The following PRSS55 variants were observed in gnomAD, a reference collection of about 807,000 sequenced individuals.
The protein encoded by PRSS55 is probable serine protease UNQ9391/PRO34284.
A neutral mutation model predicts 23.6 loss-of-function variants in PRSS55; 41 were observed. The observed-to-expected ratio is 1.74, with a 90% confidence interval of 1.35 to 2.26. The LOEUF is 2.26. PRSS55 is among the 30% of genes most tolerant of loss of function. The probability of loss-of-function intolerance (pLI) is 0.00; values close to 1 mark genes in which losing one functional copy is unlikely to be tolerated. For missense variants in PRSS55, 669 were observed against 439.1 expected (o/e 1.52, Z -4.68); for synonymous variants, 262 against 175.5 (o/e 1.49, Z -3.90).
chr8:10,529,762 CT>C (rs1812182121), intron 2 of PRSS55, 63 bp downstream of exon 2: 1 of 1,506,234 alleles, frequency 6.6e-7, no homozygotes, highest in South Asian at 1.2e-5. Flanking sequence ...CACCCTCCCC[CT>C]CACCCACACC....
Position 10,538,653 on chromosome 8 carries a change from A to C in PRSS55, c.919A>C (p.Asn307His). 1 of 1,614,144 alleles carries C rather than the reference A, an allele frequency of 6.2e-7. No homozygotes were observed. The highest frequency in any genetic ancestry group is 1.3e-5 in the African/African-American group (1 of 75,026). ...KVTQLEGRPF[N>H]AEKRRTSVKQ... ...GACCCAGCTAGAGGGCAGGCCCTTC[A>C]ATGCAGAGAAAAGGAGGACTTCTGT... The change falls in exon 5 of 5, where the codon AAT becomes CAT. Residue 307 changes from asparagine (N) to histidine (H), a missense_variant. Coordinates refer to ENST00000328655, the MANE Select transcript of PRSS55 (RefSeq NM_198464.4).
At chr8:10,529,765 A>C in intron 2 of PRSS55, 66 bp downstream of exon 2, 3 of 1,491,414 alleles carry the variant, frequency 2.0e-6, no homozygotes, top group South Asian at 1.2e-5. Flanking sequence ...CCTCCCCCTC[A>C]CCCACACCTG....
chr8:10,528,866 A>G (rs1057409111), intron 1 of PRSS55, among the ~76,000 whole-genome samples: 8 of 152,018 alleles, frequency 5.3e-5, no homozygotes, highest in African/African-American at 1.5e-4. Flanking sequence ...GCTTCTAGAA[A>G]CTTCTCTGGG....
rs747849887 is a variant in PRSS55, at chr8:10,525,731, C to A, written c.146C>A (p.Pro49Gln). The change falls in exon 1 of 5, where the codon CCA (proline) becomes CAA (glutamine). Residue 49 changes from proline (P) to glutamine (Q), a missense_variant. Coordinates refer to ENST00000328655, the MANE Select transcript of PRSS55 (RefSeq NM_198464.4). ...CCTCAGCCCCCTCATCCCCCCAGCC[C>A]AGTCAGTGGTGAGTACAGGGGCAGA... ...HRPQPPHPPSPVSECGDRSIF... is the reference protein window; with the variant it reads ...HRPQPPHPPSQVSECGDRSIF... 10 of 1,606,190 alleles carry A rather than the reference C, an allele frequency of 6.2e-6. No individual in the cohort carries two copies. The Admixed American group carries it at 1.7e-4, about 27-fold the overall frequency.
downstream of PRSS55, chr8:10,541,675 T>C (rs1227848315): frequency 1.3e-5 from 2 of 152,274 alleles, no homozygotes; most frequent in East Asian, 3.8e-4. Context: ...TCCTGTTTTT[T>C]CTGGAAAACC....
chr8:10,548,166 G>A (rs1340904655), intron 4 of PRSS55, among the ~76,000 whole-genome samples: 2 of 152,212 alleles, frequency 1.3e-5, no homozygotes, highest in African/African-American at 4.8e-5. Context: ...GCTGGGGCGG[G>A]CTTTGGAGAG....
chr8:10,529,360 C>T (rs540163101), intron 1 of PRSS55, 147 bp from the exon 2 acceptor site: 19 of 786,158 alleles, frequency 2.4e-5, no homozygotes, highest in South Asian at 6.1e-5. Context: ...AGGGCTGCCC[C>T]GCTCGGCAGC....
downstream of PRSS55, among the ~76,000 whole-genome samples, chr8:10,543,727 TTA>T (rs56294838): frequency 0.55 from 83,431 of 151,180 alleles, 24,495 homozygotes; most frequent in South Asian, 0.74. Context: ...TTTTTGTGTG[TTA>T]TGTTTTCACT....
chr8:10,532,756 G>C, intron 3 of PRSS55, 150 bp from the exon 4 acceptor site: 1 of 906,868 alleles, frequency 1.1e-6, no homozygotes, highest in South Asian at 1.7e-5. Flanking sequence ...GCAGGCATGG[G>C]GTAACCTGAA....
intron 1 of PRSS55, among the ~76,000 whole-genome samples, chr8:10,528,200 CA>C (rs35143057): frequency 0.074 from 6,671 of 89,606 alleles, 140 homozygotes; most frequent in Middle Eastern, 0.098. Context: ...CTTCGTCTCT[CA>C]AAAAAAAAAA....
At chr8:10,534,311 ATTTC>A (rs1812380031) in intron 4 of PRSS55, among the ~76,000 whole-genome samples, 2 of 152,200 alleles carry the variant, frequency 1.3e-5, no homozygotes, top group Non-Finnish European at 2.9e-5. Flanking sequence ...ATCCTCAGGT[ATTTC>A]TTTATAGTGA....
chr8:10,528,972 C>T lies in PRSS55; in HGVS notation c.155-535C>T, dbSNP rs1267374067. Among the ~76,000 whole-genome samples the T allele has an allele frequency of 4.6e-5, 7 of 152,202 alleles. No individual in the cohort carries two copies. In the East Asian group the frequency reaches 1.3e-3, roughly 29 times the overall value. ...TGCCTGACTTCCTGCTTCCCTCCAC[C>T]CCTCTCAAGGGCCTCAGTGATTCCA... On this transcript the variant is annotated intron_variant, in intron 1 of 4. Coordinates refer to ENST00000328655, the MANE Select transcript of PRSS55 (RefSeq NM_198464.4).
chr8:10,535,261 G>T (rs1812415468), intron 4 of PRSS55, among the ~76,000 whole-genome samples: 1 of 152,068 alleles, frequency 6.6e-6, no homozygotes, highest in Non-Finnish European at 1.5e-5. Flanking sequence ...AGTAGCCAAG[G>T]CAATCCTAAG....
At chr8:10,530,402 G>A (rs1435447490) in intron 2 of PRSS55, among the ~76,000 whole-genome samples, 3 of 152,250 alleles carry the variant, frequency 2.0e-5, no homozygotes, top group African/African-American at 4.8e-5. Flanking sequence ...TTGAACCCAG[G>A]AGGCAGATGT....
chr8:10,543,481 T>TTTTCTTTTCTTTTCTTTC (rs1563547453), downstream of PRSS55, among the ~76,000 whole-genome samples: 41 of 19,794 alleles, frequency 2.1e-3, 2 homozygotes, highest in Middle Eastern at 0.026. Context: ...TCTTTCTCTC[T>TTTTCTTTTCTTTTCTTTC]TTTTTTTTTT....
intron 2 of PRSS55, among the ~76,000 whole-genome samples, chr8:10,530,218 C>A (rs1051551642): frequency 6.6e-6 from 1 of 152,244 alleles, no homozygotes; most frequent in Non-Finnish European, 1.5e-5. Context: ...GCCTGTCATC[C>A]CAGCACTTCG....
Position 10,531,402 on chromosome 8 carries a change from A to C in PRSS55, c.455A>C (p.Asn152Thr), listed in dbSNP as rs145368954. The change falls in exon 3 of 5, where the codon AAC (asparagine) becomes ACC (threonine). Residue 152 changes from asparagine (N) to threonine (T), a missense_variant. Asn to Thr is a moderately conservative substitution (Grantham distance 65, BLOSUM62 0). Coordinates refer to ENST00000328655, the MANE Select transcript of PRSS55 (RefSeq NM_198464.4). ...IILHKDFKRA[N>T]MDNDIALLLL... ...CTTCACAAAGACTTTAAGAGAGCCA[A>C]CATGGACAATGACATTGCCTTGCTG... 6.2e-6 allele frequency: 10 copies of C among 1,614,256 alleles called. No individual in the cohort carries two copies. The African/African-American group carries it at 8.0e-5, about 13-fold the overall frequency.
chr8:10,539,670 G>C (rs1812587419), downstream of PRSS55, among the ~76,000 whole-genome samples: 1 of 152,138 alleles, frequency 6.6e-6, no homozygotes, highest in Non-Finnish European at 1.5e-5. Context: ...GAGATCTGAT[G>C]GTTTTATAAG....
chr8:10,553,393 C>A (rs1563553089), intron 4 of PRSS55, among the ~76,000 whole-genome samples: 2 of 152,070 alleles, frequency 1.3e-5, no homozygotes, highest in Non-Finnish European at 2.9e-5. Flanking sequence ...ATAGAAACAA[C>A]CTATGTGTCC....
Sources: gnomAD v4.1 joint callset for allele counts (sites outside exome capture counted in the v4.1 genomes callset) on GRCh38, gnomAD v4.1.1 for gene constraint, MANE v1.5 for transcripts, NCBI Gene and HGNC (gene_info 2026-07-23, HGNC 2026-07-21) for gene names.